The following MOB2 variants were observed in gnomAD, a reference collection of about 807,000 sequenced individuals.
MOB2 encodes the protein MOB kinase activator 2.
MOB2 carries 14 observed loss-of-function variants against 27.4 expected under a neutral mutation model. The ratio of observed to expected loss-of-function variants is 0.51; its 90% CI spans 0.34 to 0.80. MOB2 has a LOEUF of 0.80. MOB2 is among the 30% of genes least tolerant of loss of function. The probability of loss-of-function intolerance (pLI) is 0.01; values close to 1 mark genes in which losing one functional copy is unlikely to be tolerated. For missense variants in MOB2, 304 were observed against 354.6 expected (o/e 0.86, Z 1.15); for synonymous variants, 167 against 151.8 (o/e 1.10, Z -0.74).
chr11:1,475,968 C>T (rs1041283098), intron 3 of MOB2, among the ~76,000 whole-genome samples: 1 of 152,234 alleles, frequency 6.6e-6, no homozygotes, highest in Non-Finnish European at 1.5e-5. Context: ...GCCAGCATCA[C>T]GCTCTTGCGC....
Position 1,469,841 on chromosome 11 carries a change from A to C in MOB2, c.*331T>G. ...GAGTTCCTCCTTTGAGGCCAGCAGC[A>C]CCCGAGGGAGGGCAGGGGCTGCACG... On this transcript the variant is annotated 3_prime_UTR_variant, in exon 5 of 5. Coordinates refer to ENST00000329957, the MANE Select transcript of MOB2 (RefSeq NM_001172223.3). 1.7e-6 allele frequency: 1 copy of C among 580,992 alleles called. No homozygotes were observed. The highest frequency in any genetic ancestry group is 3.2e-6 in the Non-Finnish European group (1 of 309,144). The allele number at this position is 580,992 out of a possible 1,614,324, so 36.0% of individuals were successfully genotyped here. A position where few individuals can be genotyped will look rare whatever the true frequency, so the allele number is the denominator to read the frequency against.
chr11:1,471,461 C>T (rs752786177), intron 3 of MOB2, 42 bp from the exon 4 acceptor site: 30 of 1,576,812 alleles, frequency 1.9e-5, no homozygotes, highest in South Asian at 3.5e-5. Context: ...GCCCGCTGCA[C>T]ACCCACCCAG....
chr11:1,478,325 C>A (rs1237215755), intron 3 of MOB2, among the ~76,000 whole-genome samples: 1 of 152,268 alleles, frequency 6.6e-6, no homozygotes, highest in Non-Finnish European at 1.5e-5. Flanking sequence ...CACAAACACT[C>A]AGTGGGAGGA....
At position 1,469,942 on chromosome 11, in the gene MOB2, T is replaced by A; in HGVS notation, c.*230A>T. The A allele has an allele frequency of 9.8e-7, 1 of 1,023,994 alleles. No homozygotes were observed. The highest frequency in any genetic ancestry group is 1.5e-6 in the Non-Finnish European group (1 of 680,472). The allele number at this position is 1,023,994 out of a possible 1,614,324, so 63.4% of individuals were successfully genotyped here. ...CATGCGTGTCTGCTGAACGAGTGAA[T>A]GGGCCCAAAGGCTCTTCTCTACAAA... On this transcript the variant is annotated 3_prime_UTR_variant, in exon 5 of 5. Coordinates refer to ENST00000329957, the MANE Select transcript of MOB2 (RefSeq NM_001172223.3).
At chr11:1,482,975 T>C (rs1847931643) in intron 1 of MOB2, among the ~76,000 whole-genome samples, 2 of 152,122 alleles carry the variant, frequency 1.3e-5, no homozygotes, top group Admixed American at 1.3e-4. Context: ...GGCAGCCCAT[T>C]GCTCGGTCCA....
At chr11:1,473,299 C>G (rs1403087132) in intron 3 of MOB2, 1 of 152,358 alleles carries the variant, frequency 6.6e-6, no homozygotes, top group African/African-American at 2.4e-5. Context: ...GCAGGCCTCA[C>G]CGTGGGCATC....
chr11:1,482,341 C>G (rs566041930), intron 1 of MOB2, among the ~76,000 whole-genome samples: 5 of 152,242 alleles, frequency 3.3e-5, no homozygotes, highest in Non-Finnish European at 7.3e-5. Flanking sequence ...GCCCCAGGGC[C>G]CACTCAGGGA....
chr11:1,470,547 G>A (rs1847775064), intron 4 of MOB2, 59 bp from the exon 5 acceptor site: 1 of 1,544,088 alleles, frequency 6.5e-7, no homozygotes, highest in African/African-American at 1.4e-5. Flanking sequence ...CAGAGGCCAG[G>A]CCCCTGGCAC....
At chr11:1,473,874 C>T (rs986875646) in intron 3 of MOB2, among the ~76,000 whole-genome samples, 3 of 152,274 alleles carry the variant, frequency 2.0e-5, no homozygotes, top group East Asian at 1.9e-4. Context: ...GATGGCTCCT[C>T]AGGGATGGGC....
In MOB2 at chr11:1,469,580, T is replaced by TG. The variant is rs1847751370; in HGVS notation, c.*591dup. Reference sequence around the variant, plus strand: ...CCCCGTCCTGGCCTTGCCTGAGGACTGCACCATGGGTGTTCCTTGGGCATG... The same window carrying TG: ...CCCCGTCCTGGCCTTGCCTGAGGACTGGCACCATGGGTGTTCCTTGGGCATG... On this transcript the variant is annotated 3_prime_UTR_variant, in exon 5 of 5. Transcript: ENST00000329957. The TG allele has an allele frequency of 4.4e-6, 2 of 456,710 alleles. No homozygotes were observed. Among genetic ancestry groups the TG allele is most frequent in the African/African-American group, 2.0e-5 (1 of 50,098 alleles). The allele number at this position is 456,710 out of a possible 1,614,324, so 28.3% of individuals were successfully genotyped here.
At chr11:1,477,768 T>C (rs1364796737) in intron 3 of MOB2, among the ~76,000 whole-genome samples, 2 of 152,206 alleles carry the variant, frequency 1.3e-5, no homozygotes, top group Non-Finnish European at 2.9e-5. Flanking sequence ...TAGCCTATCA[T>C]GTTTCGTGAC....
rs1244368142 is a variant in MOB2, at chr11:1,470,191, T to C, written c.788A>G (p.Asn263Ser). The change falls in exon 5 of 5, where the codon AAC becomes AGC. Residue 263 changes from asparagine to serine, a missense_variant. Physicochemically the swap from Asn to Ser is conservative, Grantham distance 46 (BLOSUM62 1). Coordinates refer to ENST00000329957, the MANE Select transcript of MOB2 (RefSeq NM_001172223.3). ...GGGGGCTCATCTCTCCTTCACGTGGTTCTGTGCTCCCGGGCCCCCGCTGCC... is the reference window on the plus strand; with the variant it reads ...GGGGGCTCATCTCTCCTTCACGTGGCTCTGTGCTCCCGGGCCCCCGCTGCC... ...GAGSGGPGAQ[N>S]HVKER 6.2e-7 allele frequency: 1 copy of C among 1,607,048 alleles called. No individual in the cohort carries two copies. Among genetic ancestry groups the C allele is most frequent in the Non-Finnish European group, 8.5e-7 (1 of 1,177,146 alleles).
Position 1,470,185 on chromosome 11 carries a change from A to C in MOB2, c.794T>G (p.Val265Gly). ...GGCCCGGGGGGCTCATCTCTCCTTC[A>C]CGTGGTTCTGTGCTCCCGGGCCCCC... ...GSGGPGAQNH[V>G]KER is the part of the protein sequence containing the mutation. Residue 265 changes from valine to glycine, a missense_variant, in exon 5 of 5, where the codon GTG (valine) becomes GGG (glycine). Physicochemically the swap from Val to Gly is moderately radical, Grantham distance 109. Coordinates refer to ENST00000329957, the MANE Select transcript of MOB2 (RefSeq NM_001172223.3). The C allele has an allele frequency of 6.2e-7, 1 of 1,604,466 alleles. No individual in the cohort carries two copies. Among genetic ancestry groups the C allele is most frequent in the Non-Finnish European group, 8.5e-7 (1 of 1,175,938 alleles).
At chr11:1,482,970 C>A (rs1317295853) in intron 1 of MOB2, among the ~76,000 whole-genome samples, 1 of 152,224 alleles carries the variant, frequency 6.6e-6, no homozygotes, top group Non-Finnish European at 1.5e-5. Context: ...TCTGAGGCAG[C>A]CCATTGCTCG....
At position 1,470,020 on chromosome 11, in the gene MOB2, G is replaced by C. The variant is rs960238405; in HGVS notation, c.*152C>G. 2 of 1,531,770 alleles carry C rather than the reference G, an allele frequency of 1.3e-6. No individual in the cohort carries two copies. The highest frequency in any genetic ancestry group is 2.7e-5 in the African/African-American group (2 of 73,008). The allele number at this position is 1,531,770 out of a possible 1,614,324, so 94.9% of individuals were successfully genotyped here. On this transcript the variant is annotated 3_prime_UTR_variant, in exon 5 of 5. Transcript: ENST00000329957. Reference sequence around the variant, plus strand: ...ACAGGACACGGCCGGGGCCGTCTGCGTCTGTGCCTGTGCAGCCCACACCAG... The same window carrying C: ...ACAGGACACGGCCGGGGCCGTCTGCCTCTGTGCCTGTGCAGCCCACACCAG...
rs781640321 is a variant in MOB2, at chr11:1,470,457, C to G, written c.522G>C (p.Leu174=). 5.6e-6 allele frequency: 9 copies of G among 1,613,194 alleles called. No homozygotes were observed. Among genetic ancestry groups the G allele is most frequent in the Non-Finnish European group, 7.6e-6 (9 of 1,179,672 alleles). The change falls in exon 5 of 5, where the codon CTG becomes CTC. Residue 174 remains leucine (L), a synonymous_variant. Transcript: ENST00000329957. ...GREFPSSFES[L]VRKICRHLFH... is the part of the protein sequence containing the mutation. ...ACAGGTGTCTGCAGATCTTCCTCAC[C>G]AGGGACTCAAAGGAGCTGGGGAATT... is the stretch of plus-strand genomic sequence containing the variant.
intron 3 of MOB2, 33 bp downstream of exon 3, chr11:1,480,360 A>G: frequency 1.9e-6 from 3 of 1,603,006 alleles, no homozygotes. Flanking sequence ...GAGTCTCCCA[A>G]GAGAAAGTGG....
chr11:1,476,687 G>A lies in MOB2; in HGVS notation c.365+3706C>T, dbSNP rs79780756. On this transcript the variant is annotated intron_variant, in intron 3 of 4. Transcript: ENST00000329957. The stretch of plus-strand genomic sequence containing the variant: ...TCTTTTTCTAGTTTAAGTTGGAAAC[G>A]TAGATTACTGAAAGTCATCTTCTTT... Among the ~76,000 whole-genome samples, 109 of 152,248 alleles carry A rather than the reference G, an allele frequency of 7.2e-4. No homozygotes were observed. The East Asian group carries it at 0.019, about 26-fold the overall frequency.
At chr11:1,485,775 G>A (rs964069928) in intron 1 of MOB2, among the ~76,000 whole-genome samples, 1 of 152,122 alleles carries the variant, frequency 6.6e-6, no homozygotes. Flanking sequence ...ACACTTGGGC[G>A]CACACTCCCA....
Sources: allele counts gnomAD v4.1 joint callset (sites outside exome capture counted in the v4.1 genomes callset), GRCh38; gene constraint gnomAD v4.1.1; transcripts MANE v1.5; gene names NCBI Gene and HGNC (gene_info 2026-07-23, HGNC 2026-07-21).